EHBP1L1: variants seen among roughly 807,000 people sequenced by gnomAD.
EHBP1L1 encodes EH domain-binding protein 1-like protein 1.
A neutral mutation model predicts 151.1 loss-of-function variants in EHBP1L1; 122 were observed. The ratio of observed to expected loss-of-function variants is 0.81; its 90% CI spans 0.70 to 0.94. The LOEUF is 0.94. Among genes scored for constraint, EHBP1L1 ranks in the 40% least tolerant of loss-of-function variants. EHBP1L1 has a pLI of 0.00. For missense variants in EHBP1L1, 1,941 were observed against 1,959.8 expected, an observed-to-expected ratio of 0.99 and a Z score of 0.18; for synonymous variants, 878 against 810.1, an observed-to-expected ratio of 1.08 and a Z score of -1.42.
Position 65,589,790 on chromosome 11 carries a change from C to G in EHBP1L1, c.3973C>G (p.Pro1325Ala). The G allele has an allele frequency of 6.4e-7, 1 of 1,561,472 alleles. No homozygotes were observed. The highest frequency in any genetic ancestry group is 1.2e-5 in the South Asian group (1 of 84,544). ...TGACCCCAGCCCTGCCCCAGGCCCA[C>G]CCACAGCTGCAGACTCTCAACAGCC... ...APDPSPAPGP[P>A]TAADSQQPPG... Residue 1325 changes from proline to alanine, a missense_variant, in exon 13 of 19, where the codon CCC becomes GCC. Transcript: ENST00000309295.
chr11:65,582,591 T>A lies in EHBP1L1; in HGVS notation c.1919T>A (p.Val640Asp), dbSNP rs375836736. ...GLETQETEVG[V>D]IETPGTETEV... ...GAGACCCAGGAAACAGAGGTGGGGGTCATAGAGACCCCAGGGACAGAGACT... is the reference window on the plus strand; with the variant it reads ...GAGACCCAGGAAACAGAGGTGGGGGACATAGAGACCCCAGGGACAGAGACT... Residue 640 changes from valine (V) to aspartate (D), a missense_variant, in exon 9 of 19, where the codon GTC (valine) becomes GAC (aspartate). Transcript: ENST00000309295. 3.8e-5 allele frequency: 62 copies of A among 1,612,298 alleles called. No individual in the cohort carries two copies. The highest frequency in any genetic ancestry group is 5.5e-5 in the South Asian group (5 of 91,034).
rs148009724 is a variant in EHBP1L1 at position 65,589,921 on chromosome 11, C to T, written c.4004-15C>T. On this transcript the variant is annotated splice_polypyrimidine_tract_variant and intron_variant, in intron 13 of 18. Coordinates refer to ENST00000309295, the MANE Select transcript of EHBP1L1 (RefSeq NM_001099409.3). ...TGGTGGTTAGGGGGTGCCTTATCATCATCTCTGTCTGCAGGTGGGAGTTCC... is the reference window on the plus strand; with the variant it reads ...TGGTGGTTAGGGGGTGCCTTATCATTATCTCTGTCTGCAGGTGGGAGTTCC... 3 of 1,550,082 alleles carry T rather than the reference C, an allele frequency of 1.9e-6. No individual in the cohort carries two copies. The highest frequency in any genetic ancestry group is 2.3e-5 in the East Asian group (1 of 43,402).
chr11:65,585,723 G>T lies in EHBP1L1; in HGVS notation c.3933+132G>T, dbSNP rs1857936635. On this transcript the variant is annotated intron_variant, in intron 12 of 18. Coordinates refer to ENST00000309295, the MANE Select transcript of EHBP1L1 (RefSeq NM_001099409.3). This position sits in a 1 kb window ranked among gnomAD's most constrained non-coding sequence, Gnocchi z 4.0. ...GAGGGTGACGGTTTCAGAGTGGCGG[G>T]GCTCGGCTGGACCCAGGAGGGGCTA... 7.1e-7 allele frequency: 1 copy of T among 1,410,152 alleles called. No homozygotes were observed. The highest frequency in any genetic ancestry group is 9.5e-7 in the Non-Finnish European group (1 of 1,053,740). 87.4% of individuals were successfully genotyped at this position (1,410,152 alleles called of 1,614,324 possible).
chr11:65,584,865 A>G, intron 11 of EHBP1L1, 94 bp from the exon 12 acceptor site: 1 of 1,466,714 alleles, frequency 6.8e-7, no homozygotes, highest in East Asian at 2.5e-5. Context: ...CCGGGGTGCC[A>G]ATCCCGGGGA....
chr11:65,580,123 G>A lies in EHBP1L1; in HGVS notation c.355G>A (p.Asp119Asn). ...QRKVLATAEVDLARHAGPVPV... is the reference protein window; with the variant it reads ...QRKVLATAEVNLARHAGPVPV... Reference sequence around the variant, plus strand: ...GAAGGTGCTGGCCACGGCCGAGGTGGACCTGGCCCGCCATGCAGGGCCCGT... The same window carrying A: ...GAAGGTGCTGGCCACGGCCGAGGTGAACCTGGCCCGCCATGCAGGGCCCGT... Residue 119 changes from aspartate to asparagine, a missense_variant, in exon 5 of 19, where the codon GAC (aspartate) becomes AAC (asparagine). Coordinates refer to ENST00000309295, the MANE Select transcript of EHBP1L1 (RefSeq NM_001099409.3). 1 of 1,613,440 alleles carries A rather than the reference G, an allele frequency of 6.2e-7. No homozygotes were observed. The highest frequency in any genetic ancestry group is 8.5e-7 in the Non-Finnish European group (1 of 1,179,762).
chr11:65,585,272 C>T lies in EHBP1L1; in HGVS notation c.3614C>T (p.Pro1205Leu), dbSNP rs1208283717. ...EAADRADGAA[P>L]GVASRNAVAG... is the part of the protein sequence containing the mutation. ...GCAGACCGCGCAGACGGGGCGGCCC[C>T]GGGGGTGGCCTCCAGGAACGCGGTC... is the stretch of plus-strand genomic sequence containing the variant. Residue 1205 changes from proline to leucine, a missense_variant, in exon 12 of 19, where the codon CCG becomes CTG. By Grantham distance (98) the Pro-to-Leu change is moderately conservative. Transcript: ENST00000309295. This position sits in a 1 kb window ranked among gnomAD's most constrained non-coding sequence, Gnocchi z 4.0. 1.9e-6 allele frequency: 2 copies of T among 1,080,996 alleles called. No homozygotes were observed. The highest frequency in any genetic ancestry group is 2.2e-6 in the Non-Finnish European group (2 of 891,322). The allele number at this position is 1,080,996 out of a possible 1,614,324, so 67.0% of individuals were successfully genotyped here.
Position 65,583,065 on chromosome 11 carries a change from T to C in EHBP1L1, c.2393T>C (p.Val798Ala). Residue 798 changes from valine to alanine, a missense_variant, in exon 9 of 19, where the codon GTG becomes GCG. By Grantham distance (64) the Val-to-Ala change is moderately conservative (BLOSUM62 0). Coordinates refer to ENST00000309295, the MANE Select transcript of EHBP1L1 (RefSeq NM_001099409.3). ...GAAGCTGATACAACAGGGATCCAGG[T>C]GAAAGAGGTTGGGGGTTCAGAGGTT... The part of the protein sequence containing the change: ...GLEADTTGIQ[V>A]KEVGGSEVPE... 6.2e-7 allele frequency: 1 copy of C among 1,611,082 alleles called. No individual in the cohort carries two copies. The highest frequency in any genetic ancestry group is 8.5e-7 in the Non-Finnish European group (1 of 1,179,074).
chr11:65,581,630 G>C lies in EHBP1L1; in HGVS notation c.958G>C (p.Gly320Arg), dbSNP rs1418269104. 6.5e-7 allele frequency: 1 copy of C among 1,550,172 alleles called. No homozygotes were observed. Among genetic ancestry groups the C allele is most frequent in the Admixed American group, 2.0e-5 (1 of 50,666 alleles). The change falls in exon 9 of 19, where the codon GGG (glycine) becomes CGG (arginine). Residue 320 changes from glycine (G) to arginine (R), a missense_variant. By Grantham distance (125) the Gly-to-Arg change is moderately radical. Coordinates refer to ENST00000309295, the MANE Select transcript of EHBP1L1 (RefSeq NM_001099409.3). ...SDALRPPVPQ[G>R]EDEVPKASGA... ...TGCCCTCCGGCCCCCAGTCCCCCAG[G>C]GGGAAGATGAGGTCCCCAAAGCCTC...
Position 65,584,771 on chromosome 11 carries a change from G to A in EHBP1L1, c.3301-188G>A, listed in dbSNP as rs936300156. The A allele has an allele frequency of 4.2e-6, 4 of 961,614 alleles. No homozygotes were observed. In the African/African-American group the frequency reaches 5.0e-5, roughly 12 times the overall value. The allele number at this position is 961,614 out of a possible 1,614,324, so 59.6% of individuals were successfully genotyped here. A position where few individuals can be genotyped will look rare whatever the true frequency, so the allele number is the denominator to read the frequency against. ...ACCACCCTTTGGTAACGGGGTGGAC[G>A]GTGTGCCGTTGCTAAGCAACGCGAG... On this transcript the variant is annotated intron_variant, in intron 11 of 18. Coordinates refer to ENST00000309295, the MANE Select transcript of EHBP1L1 (RefSeq NM_001099409.3).
chr11:65,580,016 T>A, intron 4 of EHBP1L1, 27 bp downstream of exon 4: 30 of 1,613,730 alleles, frequency 1.9e-5, no homozygotes, highest in Non-Finnish European at 2.5e-5. Context: ...GGCTCAGGTC[T>A]GGAATCTTGG....
rs1483258855 is a variant in EHBP1L1 at position 65,585,585 on chromosome 11, G to A, written c.3927G>A (p.Ala1309=). 6.3e-7 allele frequency: 1 copy of A among 1,576,054 alleles called. No individual in the cohort carries two copies. Among genetic ancestry groups the A allele is most frequent in the Admixed American group, 1.8e-5 (1 of 57,120 alleles). Residue 1309 remains alanine, a synonymous_variant, in exon 12 of 19, where the codon GCG becomes GCA. Transcript: ENST00000309295. This position sits in a 1 kb window ranked among gnomAD's most constrained non-coding sequence, Gnocchi z 4.0. ...DDPDAGAMGA[A]AAEGQAPDPS... ...CGGACGCGGGAGCCATGGGAGCTGC[G>A]GCTGCAGTGAGTGTCAAGGTCCTTC...
chr11:65,580,222 A>G lies in EHBP1L1; in HGVS notation c.454A>G (p.Thr152Ala), dbSNP rs1590815512. 3 of 1,613,372 alleles carry G rather than the reference A, an allele frequency of 1.9e-6. No individual in the cohort carries two copies. The East Asian group carries it at 6.7e-5, about 36-fold the overall frequency. ...VKVVQAELSL[T>A]LSGVLLREGR... ...GGTGGTGCAGGCTGAGCTGAGCCTC[A>G]CTCTTTCCGGGGTGCTGCTGCGGGA... Residue 152 changes from threonine to alanine, a missense_variant, in exon 5 of 19, where the codon ACT becomes GCT. Thr to Ala is a moderately conservative substitution (Grantham distance 58, BLOSUM62 0). Transcript: ENST00000309295.
In EHBP1L1 at chr11:65,585,805, C is replaced by T. The variant is rs893642232; in HGVS notation, c.3933+214C>T. ...AGTCCTCTGGTGTGGTAGTGAGCTC[C>T]TCATTAGGGGACGCATTTGAGCCAA... On this transcript the variant is annotated intron_variant, in intron 12 of 18. Coordinates refer to ENST00000309295, the MANE Select transcript of EHBP1L1 (RefSeq NM_001099409.3). The surrounding 1 kb of genome is among the most constrained non-coding windows in gnomAD (Gnocchi z 4.0). Among the ~76,000 whole-genome samples the T allele has an allele frequency of 2.0e-5, 3 of 152,184 alleles. No individual in the cohort carries two copies. Among genetic ancestry groups the T allele is most frequent in the Non-Finnish European group, 4.4e-5 (3 of 68,018 alleles).
chr11:65,585,179 A>T lies in EHBP1L1; in HGVS notation c.3521A>T (p.Asp1174Val). 5.4e-6 allele frequency: 7 copies of T among 1,300,578 alleles called. No individual in the cohort carries two copies. Among genetic ancestry groups the T allele is most frequent in the Non-Finnish European group, 6.8e-6 (7 of 1,026,376 alleles). 80.6% of individuals were successfully genotyped at this position (1,300,578 alleles called of 1,614,324 possible). A position where few individuals can be genotyped will look rare whatever the true frequency, so the allele number is the denominator to read the frequency against. The change falls in exon 12 of 19, where the codon GAC (aspartate) becomes GTC (valine). Residue 1174 changes from aspartate (D) to valine (V), a missense_variant. Physicochemically the swap from Asp to Val is radical, Grantham distance 152. Transcript: ENST00000309295. This position sits in a 1 kb window ranked among gnomAD's most constrained non-coding sequence, Gnocchi z 4.0. Reference sequence around the variant, plus strand: ...CAGCCCAGCCCGCCCGACGACCTGGACGCCGGAGGCCTGGCGCAGCGGCTG... The same window carrying T: ...CAGCCCAGCCCGCCCGACGACCTGGTCGCCGGAGGCCTGGCGCAGCGGCTG... ...SAQPSPPDDL[D>V]AGGLAQRLRG... is the part of the protein sequence containing the mutation.
chr11:65,591,769 CCCCCGCCACCCA>C lies in EHBP1L1; in HGVS notation c.4284-26_4284-15del. On this transcript the variant is annotated intron_variant, in intron 16 of 18. Coordinates refer to ENST00000309295, the MANE Select transcript of EHBP1L1 (RefSeq NM_001099409.3). ...ACGCCCCTTTTCCTGAACTGCCACC[CCCCCGCCACCCA>C]CCCCCCGCCACCTTCCAGCATGGAG... 1.2e-6 allele frequency: 1 copy of C among 858,984 alleles called. No homozygotes were observed. Among genetic ancestry groups the C allele is most frequent in the Non-Finnish European group, 1.9e-6 (1 of 518,694 alleles). 53.2% of individuals were successfully genotyped at this position (858,984 alleles called of 1,614,324 possible).
In EHBP1L1 at chr11:65,580,097, G is replaced by A. The variant is rs746986283; in HGVS notation, c.329G>A (p.Arg110Gln). The change falls in exon 5 of 19, where the codon CGG (arginine) becomes CAG (glutamine). Residue 110 changes from arginine to glutamine, a missense_variant. Coordinates refer to ENST00000309295, the MANE Select transcript of EHBP1L1 (RefSeq NM_001099409.3). ...GGCCCACAGGAGTCTAAGGGGCAGC[G>A]GAAGGTGCTGGCCACGGCCGAGGTG... ...FIIENESKGQ[R>Q]KVLATAEVDL... The A allele has an allele frequency of 3.0e-5, 49 of 1,613,074 alleles. No individual in the cohort carries two copies. The East Asian group carries it at 4.7e-4, about 15-fold the overall frequency.
Position 65,581,348 on chromosome 11 carries a change from C to T in EHBP1L1, c.841C>T (p.Pro281Ser), listed in dbSNP as rs1167394216. 4 of 1,577,260 alleles carry T rather than the reference C, an allele frequency of 2.5e-6. No homozygotes were observed. The highest frequency in any genetic ancestry group is 2.2e-5 in the East Asian group (1 of 44,546). Residue 281 changes from proline (P) to serine (S), a missense_variant, in exon 8 of 19, where the codon CCC becomes TCC. Pro to Ser is a moderately conservative substitution (Grantham distance 74, BLOSUM62 -1). Transcript: ENST00000309295. The part of the protein sequence containing the change: ...GGQVGPEAPR[P>S]PETSPEMRSS... ...CCAGGTAGGCCCTGAGGCCCCAAGG[C>T]CCCCGGAAACCTCACCAGAGATGAG...
In EHBP1L1 at chr11:65,590,554, G is replaced by C. The variant is rs1448817886; in HGVS notation, c.4245G>C (p.Lys1415Asn). 1 of 1,613,596 alleles carries C rather than the reference G, an allele frequency of 6.2e-7. No individual in the cohort carries two copies. The highest frequency in any genetic ancestry group is 1.7e-5 in the Admixed American group (1 of 60,002). Reference protein sequence around the residue: ...IQEWFTLVNKKNALIRRQDQL... With the variant: ...IQEWFTLVNKNNALIRRQDQL... ...AGTGGTTCACCCTGGTCAACAAGAA[G>C]AACGCTCTCATCCGGAGGCAGGACC... Residue 1415 changes from lysine to asparagine, a missense_variant, in exon 16 of 19, where the codon AAG becomes AAC. By Grantham distance (94) the Lys-to-Asn change is moderately conservative (BLOSUM62 0). Transcript: ENST00000309295.
At chr11:65,584,047 C>A in intron 9 of EHBP1L1, 194 bp from the exon 10 acceptor site, 1 of 1,420,138 alleles carries the variant, frequency 7.0e-7, no homozygotes, top group East Asian at 2.6e-5. Flanking sequence ...GGCCACTGAC[C>A]TTTTAGGTGA....
Sources: allele counts gnomAD v4.1 joint callset (sites outside exome capture counted in the v4.1 genomes callset), GRCh38; gene constraint gnomAD v4.1.1; non-coding constraint Gnocchi (gnomAD v3.1); transcripts MANE v1.5; gene names NCBI Gene and HGNC (gene_info 2026-07-23, HGNC 2026-07-21).